Variants in CFB observed in about 807,000 individuals in gnomAD.
CFB encodes B-factor, properdin.
In CFB, 59 loss-of-function variants were observed where a neutral mutation model predicts 97.2. That is an observed-to-expected ratio of 0.61 (90% CI 0.49 to 0.75). CFB has a LOEUF of 0.75. Ranked by LOEUF, CFB falls within the 30% of genes least tolerant of loss-of-function variation. The probability of loss-of-function intolerance (pLI) is 0.00; values close to 1 mark genes in which losing one functional copy is unlikely to be tolerated. For missense variants in CFB, 771 were observed against 959.8 expected, an observed-to-expected ratio of 0.80 and a Z score of 2.60; for synonymous variants, 316 against 351.7, an observed-to-expected ratio of 0.90 and a Z score of 1.14.
intron 8 of CFB, 106 bp downstream of exon 8, chr6:31,949,067 TGA>T (rs1190908445): frequency 6.5e-7 from 1 of 1,542,714 alleles, no homozygotes; most frequent in African/African-American, 1.4e-5. Context: ...GCCCTGAATG[TGA>T]CTCATAGCTG....
At chr6:31,949,773 T>C (rs1757965196) in intron 10 of CFB, 2 of 711,428 alleles carry the variant, frequency 2.8e-6, no homozygotes, top group African/African-American at 1.8e-5. Context: ...TAGTCCTACA[T>C]TTGACACGTG....
intron 10 of CFB, 134 bp downstream of exon 10, chr6:31,949,691 T>A: frequency 9.1e-7 from 1 of 1,102,312 alleles, no homozygotes; most frequent in Non-Finnish European, 1.3e-6. Context: ...TCAGTGTCAC[T>A]ATTCTTGTTT....
At position 31,951,301 on chromosome 6, in the gene CFB, T is replaced by G; in HGVS notation, c.1957-40T>G. The G allele has an allele frequency of 6.2e-7, 1 of 1,613,902 alleles. No individual in the cohort carries two copies. Among genetic ancestry groups the G allele is most frequent in the Non-Finnish European group, 8.5e-7 (1 of 1,180,022 alleles). ...AGGCCCCAATCCTTCCTAAGCCACT[T>G]CTGTTCATTACTTCTCCATGCTTCC... On this transcript the variant is annotated intron_variant, in intron 15 of 17. Transcript: ENST00000425368. The surrounding 1 kb of genome is among the most constrained non-coding windows in gnomAD (Gnocchi z 4.3).
In CFB at chr6:31,948,623, A is replaced by G. The variant is rs537160; in HGVS notation, c.1036+111A>G. On this transcript the variant is annotated intron_variant, in intron 7 of 17. Transcript: ENST00000425368. ...CAGGGAGGACCACTTTGTAGTCAAAAGTTGAACAGCAGGATCGTTGGGCAA... is the reference window on the plus strand; with the variant it reads ...CAGGGAGGACCACTTTGTAGTCAAAGGTTGAACAGCAGGATCGTTGGGCAA... The G allele has an allele frequency of 0.68, 1,065,703 of 1,558,018 alleles. 370,930 individuals are homozygous for G. Among genetic ancestry groups the G allele is most frequent in the Middle Eastern group, 0.9 (5,087 of 5,678 alleles).
chr6:31,950,643 TAGA>T lies in CFB; in HGVS notation c.1652_1654del (p.Glu551del), dbSNP rs1248497472. ...GGAGGGGAGAAGCGGGACCTGGAGA[TAGA>T]AGTAGTCCTATTTCACCCCAACTAC... On this transcript the variant is annotated inframe_deletion, in exon 13 of 18. Transcript: ENST00000425368. 12 of 1,612,952 alleles carry T rather than the reference TAGA, an allele frequency of 7.4e-6. No individual in the cohort carries two copies. Among genetic ancestry groups the T allele is most frequent in the African/African-American group, 1.3e-5 (1 of 75,004 alleles).
At chr6:31,948,692 G>A in intron 7 of CFB, 138 bp from the exon 8 acceptor site, 2 of 1,526,736 alleles carry the variant, frequency 1.3e-6, no homozygotes, top group African/African-American at 1.4e-5. Flanking sequence ...GGGCCACTTT[G>A]TGGTCAAAGG....
rs755697292 is a variant in CFB at position 31,946,605 on chromosome 6, A to G, written c.297A>G (p.Arg99=). The G allele has an allele frequency of 6.2e-7, 1 of 1,607,434 alleles. No homozygotes were observed. The highest frequency in any genetic ancestry group is 8.5e-7 in the Non-Finnish European group (1 of 1,179,864). Residue 99 remains arginine (R), a splice_region_variant and synonymous_variant, in exon 2 of 18, where the codon AGA becomes AGG. Transcript: ENST00000425368. The surrounding 1 kb of genome is among the most constrained non-coding windows in gnomAD (Gnocchi z 6.4). The stretch of plus-strand genomic sequence containing the variant: ...AGACTGTCAGGAAGGCAGAGTGCAG[A>G]GGTTTGAGGGCAATGAGTGTGGGCA... ...DQKTVRKAEC[R]AIHCPRPHDF...
Position 31,950,723 on chromosome 6 carries a change from G to A in CFB, c.1729G>A (p.Val577Ile), listed in dbSNP as rs199518433. 337 of 1,612,866 alleles carry A rather than the reference G, an allele frequency of 2.1e-4. No individual in the cohort carries two copies. Among genetic ancestry groups the A allele is most frequent in the Non-Finnish European group, 2.7e-4 (324 of 1,180,020 alleles). Residue 577 changes from valine to isoleucine, a missense_variant, in exon 13 of 18, where the codon GTT becomes ATT. Val to Ile is a conservative substitution (Grantham distance 29). Coordinates refer to ENST00000425368, the MANE Select transcript of CFB (RefSeq NM_001710.6). ...AATTCCTGAATTTTATGACTATGAC[G>A]TTGCCCTGATCAAGCTCAAGAATAA... ...AGIPEFYDYDVALIKLKNKLK... is the reference protein window; with the variant it reads ...AGIPEFYDYDIALIKLKNKLK...
intron 10 of CFB, 117 bp from the exon 11 acceptor site, chr6:31,949,933 G>T: frequency 1.1e-6 from 1 of 948,354 alleles, no homozygotes; most frequent in African/African-American, 1.6e-5. Flanking sequence ...ACAAATACCC[G>T]TGGTCTTTCC....
intron 10 of CFB, chr6:31,949,788 C>G: frequency 1.4e-6 from 1 of 703,220 alleles, no homozygotes; most frequent in Non-Finnish European, 2.4e-6. Context: ...CACGTGGAAA[C>G]AGAAGCCAAA....
At position 31,946,606 on chromosome 6, in the gene CFB, G is replaced by A. The variant is rs1238019644; in HGVS notation, c.298G>A (p.Ala100Thr). The A allele has an allele frequency of 2.5e-6, 4 of 1,607,038 alleles. No individual in the cohort carries two copies. ...QKTVRKAECR[A>T]IHCPRPHDFE... is the part of the protein sequence containing the mutation. ...GACTGTCAGGAAGGCAGAGTGCAGAGGTTTGAGGGCAATGAGTGTGGGCAG... is the reference window on the plus strand; with the variant it reads ...GACTGTCAGGAAGGCAGAGTGCAGAAGTTTGAGGGCAATGAGTGTGGGCAG... The change falls in exon 2 of 18, where the codon GCA becomes ACA. Residue 100 changes from alanine (A) to threonine (T), a missense_variant and splice_region_variant. By Grantham distance (58) the Ala-to-Thr change is moderately conservative. Coordinates refer to ENST00000425368, the MANE Select transcript of CFB (RefSeq NM_001710.6). The surrounding 1 kb of genome is among the most constrained non-coding windows in gnomAD (Gnocchi z 6.4).
intron 12 of CFB, 36 bp downstream of exon 12, chr6:31,950,439 T>C (rs761579910): frequency 6.3e-7 from 1 of 1,593,678 alleles, no homozygotes; most frequent in South Asian, 1.1e-5. Flanking sequence ...GCTGCACCTA[T>C]GCTCTCCAGG....
At chr6:31,948,162 C>G in intron 6 of CFB, 81 bp downstream of exon 6, 1 of 1,576,928 alleles carries the variant, frequency 6.3e-7, no homozygotes, top group Non-Finnish European at 8.6e-7. Flanking sequence ...ATTCCAGCCC[C>G]TCTGAACAAC....
chr6:31,948,783 ATGGC>A (rs1475439386), intron 7 of CFB, 43 bp from the exon 8 acceptor site: 1 of 1,613,018 alleles, frequency 6.2e-7, no homozygotes. Context: ...GGGTTAAAAG[ATGGC>A]TTGGAAGACC....
chr6:31,950,770 C>G lies in CFB; in HGVS notation c.1776C>G (p.Ile592Met), dbSNP rs1249076397. Residue 592 changes from isoleucine to methionine, a missense_variant and splice_region_variant, in exon 13 of 18, where the codon ATC (isoleucine) becomes ATG (methionine). Coordinates refer to ENST00000425368, the MANE Select transcript of CFB (RefSeq NM_001710.6). ...ATAAGCTGAAATATGGCCAGACTAT[C>G]AGGTGAGAGCGTCCAGATCCCTGAG... ...LKNKLKYGQT[I>M]RPICLPCTEG... 1 of 1,613,098 alleles carries G rather than the reference C, an allele frequency of 6.2e-7. No individual in the cohort carries two copies. The highest frequency in any genetic ancestry group is 1.1e-5 in the South Asian group (1 of 91,082).
Position 31,946,334 on chromosome 6 carries a change from G to C in CFB, c.65-39G>C. 1 of 1,612,908 alleles carries C rather than the reference G, an allele frequency of 6.2e-7. No homozygotes were observed. Among genetic ancestry groups the C allele is most frequent in the Non-Finnish European group, 8.5e-7 (1 of 1,179,928 alleles). On this transcript the variant is annotated intron_variant, in intron 1 of 17. Coordinates refer to ENST00000425368, the MANE Select transcript of CFB (RefSeq NM_001710.6). The surrounding 1 kb of genome is among the most constrained non-coding windows in gnomAD (Gnocchi z 6.4). ...CCTGCTGTCTCCAGCATCCCTCCTT[G>C]GCCTTTTGGGGCCAGGCTTCATCAG...
rs758214895 is a variant in CFB at position 31,950,019 on chromosome 6, G to A, written c.1409-31G>A. 3.2e-5 allele frequency: 51 copies of A among 1,608,400 alleles called. No homozygotes were observed. In the South Asian group the frequency reaches 4.2e-4, roughly 13 times the overall value. On this transcript the variant is annotated intron_variant, in intron 10 of 17. Transcript: ENST00000425368. ...CTGCCATTTGGGAATGAAGTGTTCC[G>A]AGTTTTCAGCACATTCTCCTTCTCT...
chr6:31,950,738 C>T lies in CFB; in HGVS notation c.1744C>T (p.Leu582Phe). 1 of 1,613,064 alleles carries T rather than the reference C, an allele frequency of 6.2e-7. No individual in the cohort carries two copies. The highest frequency in any genetic ancestry group is 1.1e-5 in the South Asian group (1 of 91,086). ...TGACTATGACGTTGCCCTGATCAAG[C>T]TCAAGAATAAGCTGAAATATGGCCA... is the stretch of plus-strand genomic sequence containing the variant. ...FYDYDVALIK[L>F]KNKLKYGQTI... is the part of the protein sequence containing the mutation. Residue 582 changes from leucine (L) to phenylalanine (F), a missense_variant, in exon 13 of 18, where the codon CTC (leucine) becomes TTC (phenylalanine). Transcript: ENST00000425368.
chr6:31,951,952 A>G lies in CFB; in HGVS notation c.2217A>G (p.Arg739=), dbSNP rs1383263201. The G allele has an allele frequency of 6.2e-7, 1 of 1,613,116 alleles. No individual in the cohort carries two copies. The highest frequency in any genetic ancestry group is 1.7e-5 in the Admixed American group (1 of 60,036). Residue 739 remains arginine, a synonymous_variant, in exon 18 of 18, where the codon CGA becomes CGG. Coordinates refer to ENST00000425368, the MANE Select transcript of CFB (RefSeq NM_001710.6). This position sits in a 1 kb window ranked among gnomAD's most constrained non-coding sequence, Gnocchi z 4.3. Reference sequence around the variant, plus strand: ...AAAAGCAGGTACCTGCTCACGCCCGAGACTTTCACATCAACCTCTTTCAAG... The same window carrying G: ...AAAAGCAGGTACCTGCTCACGCCCGGGACTTTCACATCAACCTCTTTCAAG... ...KRQKQVPAHA[R]DFHINLFQVL... is the part of the protein sequence containing the mutation.
Sources: gnomAD v4.1 joint callset for allele counts on GRCh38, gnomAD v4.1.1 for gene constraint, Gnocchi (gnomAD v3.1) non-coding constraint, MANE v1.5 for transcripts, NCBI Gene and HGNC (gene_info 2026-07-23, HGNC 2026-07-21) for gene names.